IL7: variants seen among roughly 807,000 people sequenced by gnomAD.
IL7 encodes interleukin-7.
IL7 carries 3 observed loss-of-function variants against 21.6 expected under a neutral mutation model. That is an observed-to-expected ratio of 0.14 (90% CI 0.06 to 0.36). The LOEUF (loss-of-function observed/expected upper bound fraction) is 0.36. Among genes scored for constraint, IL7 ranks in the 10% least tolerant of loss-of-function variants. IL7 has a pLI of 1.00. For synonymous variants in IL7, 62 were observed against 68.1 expected (o/e 0.91, Z 0.44); for missense variants, 175 against 200.2 (o/e 0.87, Z 0.76).
At chr8:78,763,898 C>T (rs1586081930) in intron 2 of IL7, among the ~76,000 whole-genome samples, 1 of 152,074 alleles carries the variant, frequency 6.6e-6, no homozygotes, top group Non-Finnish European at 1.5e-5. Context: ...ACAAGTACCT[C>T]TCATGAACAT....
chr8:78,782,811 C>T (rs1813380963), intron 2 of IL7, among the ~76,000 whole-genome samples: 3 of 152,088 alleles, frequency 2.0e-5, no homozygotes, highest in African/African-American at 7.2e-5. Flanking sequence ...TCCACAGAGA[C>T]AACAGCCGCT....
At chr8:78,691,247 CTTTAGTTTTGCCAGCTTTTAA>C (rs140863395) in intron 3 of IL7, among the ~76,000 whole-genome samples, 5,622 of 152,160 alleles carry the variant, frequency 0.037, 316 homozygotes, top group African/African-American at 0.13. Context: ...TTACATTTCT[CTTTAGTTTTGCCAGCTTTTAA>C]TTCAAAATTT....
intron 2 of IL7, among the ~76,000 whole-genome samples, chr8:78,783,211 G>T (rs1813398832): frequency 6.6e-6 from 1 of 152,140 alleles, no homozygotes; most frequent in Non-Finnish European, 1.5e-5. Context: ...ACTGCTCTGT[G>T]CTTGGAACCC....
chr8:78,795,533 A>C (rs1813825579), intron 2 of IL7, among the ~76,000 whole-genome samples: 1 of 151,950 alleles, frequency 6.6e-6, no homozygotes. Context: ...TTAATGAGAT[A>C]AGCTCCTCTA....
At chr8:78,742,895 A>G (rs1325392160) in intron 2 of IL7, among the ~76,000 whole-genome samples, 1 of 152,082 alleles carries the variant, frequency 6.6e-6, no homozygotes, top group Non-Finnish European at 1.5e-5. Context: ...TCCATCCTCC[A>G]AAAAGCCCCA....
At chr8:78,684,051 AG>A (rs2130472716) in intron 4 of IL7, among the ~76,000 whole-genome samples, 1 of 152,286 alleles carries the variant, frequency 6.6e-6, no homozygotes, top group East Asian at 1.9e-4. Context: ...GTTTCTAGGA[AG>A]TTCCAAACTT....
At chr8:78,692,547 T>A (rs767601744) in intron 3 of IL7, among the ~76,000 whole-genome samples, 1 of 152,112 alleles carries the variant, frequency 6.6e-6, no homozygotes, top group African/African-American at 2.4e-5. Context: ...TTGCAAAGTG[T>A]TTTTACTTTC....
chr8:78,776,579 G>A (rs561822708), intron 2 of IL7, among the ~76,000 whole-genome samples: 2 of 151,954 alleles, frequency 1.3e-5, no homozygotes, highest in Admixed American at 6.6e-5. Flanking sequence ...GTTTTTATTT[G>A]CATCTGTTCT....
At chr8:78,710,480 T>G (rs951651571) in intron 3 of IL7, among the ~76,000 whole-genome samples, 1 of 152,094 alleles carries the variant, frequency 6.6e-6, no homozygotes, top group Non-Finnish European at 1.5e-5. Flanking sequence ...TTTCTTGAAC[T>G]GAACTTTGTT....
At chr8:78,716,105 GT>G (rs1417322399), downstream of IL7, among the ~76,000 whole-genome samples, 1 of 145,596 alleles carries the variant, frequency 6.9e-6, no homozygotes, top group Non-Finnish European at 1.5e-5. Context: ...CTTTATTACT[GT>G]TTTTTTTTGT....
chr8:78,719,957 A>G (rs189305597), intron 5 of IL7, among the ~76,000 whole-genome samples: 67 of 151,950 alleles, frequency 4.4e-4, no homozygotes, highest in African/African-American at 1.6e-3. Context: ...TTCTGACATC[A>G]AAGTATTAGA....
chr8:78,690,199 GA>G, intron 3 of IL7, among the ~76,000 whole-genome samples: 1 of 152,194 alleles, frequency 6.6e-6, no homozygotes, highest in South Asian at 2.1e-4. Context: ...TCACTATACT[GA>G]ATAGTGAACC....
intron 3 of IL7, among the ~76,000 whole-genome samples, chr8:78,710,088 G>A (rs1034302897): frequency 5.9e-5 from 9 of 152,038 alleles, no homozygotes; most frequent in Admixed American, 1.3e-4. Flanking sequence ...GGTTGATATC[G>A]TCACCATACT....
At chr8:78,762,544 C>A in intron 2 of IL7, 1 of 528,258 alleles carries the variant, frequency 1.9e-6, no homozygotes, top group South Asian at 8.6e-5. Context: ...CTCGGCAGGG[C>A]CGACGCGCGG....
At chr8:78,718,354 C>T in intron 6 of IL7, 1 of 151,860 alleles carries the variant, frequency 6.6e-6, no homozygotes, top group East Asian at 1.9e-4. Flanking sequence ...GAATTCCCTG[C>T]AAAATCTTAC....
At chr8:78,739,122 TA>T (rs895111364) in intron 3 of IL7, among the ~76,000 whole-genome samples, 1 of 151,880 alleles carries the variant, frequency 6.6e-6, no homozygotes, top group East Asian at 1.9e-4. Flanking sequence ...TTAAGAAATT[TA>T]AAAAAAAGAA....
Position 78,733,093 on chromosome 8 carries a change from C to T in IL7, c.*620G>A, listed in dbSNP as rs1811464610. 1 of 151,554 alleles carries T rather than the reference C, an allele frequency of 6.6e-6. No individual in the cohort carries two copies. The highest frequency in any genetic ancestry group is 2.4e-5 in the African/African-American group (1 of 41,232). 9.4% of individuals were successfully genotyped at this position (151,554 alleles called of 1,614,324 possible). A position where few individuals can be genotyped will look rare whatever the true frequency, so the allele number is the denominator to read the frequency against. On this transcript the variant is annotated 3_prime_UTR_variant, in exon 6 of 6. Transcript: ENST00000263851. ...TTTCATGTCAAAACATTTGCTATAC[C>T]ATTTATTGAAGGCACTGTGTTACAC...
chr8:78,758,201 TTC>T (rs1812418283), intron 2 of IL7, among the ~76,000 whole-genome samples: 1 of 152,092 alleles, frequency 6.6e-6, no homozygotes, highest in African/African-American at 2.4e-5. Flanking sequence ...CTTTTGTGTT[TTC>T]TTTTCTACCC....
At chr8:78,676,983 A>G (rs1209707755) in intron 4 of IL7, among the ~76,000 whole-genome samples, 1 of 152,078 alleles carries the variant, frequency 6.6e-6, no homozygotes, top group African/African-American at 2.4e-5. Flanking sequence ...GTCATCTGCT[A>G]TCCTCATTTT....
Sources: gnomAD v4.1 joint callset for allele counts (sites outside exome capture counted in the v4.1 genomes callset) on GRCh38, gnomAD v4.1.1 for gene constraint, MANE v1.5 for transcripts, NCBI Gene and HGNC (gene_info 2026-07-23, HGNC 2026-07-21) for gene names.